SHANK2: variants seen among roughly 807,000 people sequenced by gnomAD.
SHANK2 encodes the protein SH3 and multiple ankyrin repeat domains 2.
Under a neutral mutation model 133.7 loss-of-function variants are expected in SHANK2, and 43 were observed. That is an observed-to-expected ratio of 0.32 (90% CI 0.25 to 0.41). SHANK2 has a LOEUF of 0.41. Ranked by LOEUF, SHANK2 falls within the 10% of genes least tolerant of loss-of-function variation. The probability of loss-of-function intolerance (pLI) is 1.00; values close to 1 mark genes in which losing one functional copy is unlikely to be tolerated. For synonymous variants in SHANK2, 1,017 were observed against 952.8 expected, an observed-to-expected ratio of 1.07 and a Z score of -1.24; for missense variants, 1,994 against 2,235.8, an observed-to-expected ratio of 0.89 and a Z score of 2.18.
intron 14 of SHANK2, among the ~76,000 whole-genome samples, chr11:70,730,184 C>CTGCTATTTG (rs377059891): frequency 0.044 from 6,672 of 152,176 alleles, 161 homozygotes; most frequent in African/African-American, 0.06. Context: ...GCATGAGGCC[C>CTGCTATTTG]CAGGAGCTGG....
rs1555094317 is a variant in SHANK2, at chr11:71,092,550, T to G, written c.784A>C (p.Ser262Arg). 6.4e-7 allele frequency: 1 copy of G among 1,551,880 alleles called. No individual in the cohort carries two copies. The highest frequency in any genetic ancestry group is 1.4e-5 in the African/African-American group (1 of 73,088). Residue 262 changes from serine (S) to arginine (R), a missense_variant, in exon 8 of 26, where the codon AGT (serine) becomes CGT (arginine). Physicochemically the swap from Ser to Arg is moderately radical, Grantham distance 110. Around this residue, in one of 5 missense-constraint regions of SHANK2, gnomAD observed 653 missense variants for 563.4 expected, o/e 1.16. Transcript: ENST00000601538. The part of the protein sequence containing the change: ...ELGASPDYKD[S>R]YGLTPLYHTA... ...TGATACAGCGGGGTGAGGCCGTAAC[T>G]GTCTTTATAATCTGGGGATGCACCA...
chr11:71,105,672 G>A (rs983476801), intron 6 of SHANK2, among the ~76,000 whole-genome samples: 1 of 151,520 alleles, frequency 6.6e-6, no homozygotes, highest in Non-Finnish European at 1.5e-5. Flanking sequence ...AGGAGCTCTC[G>A]GGCAGTGAAG....
At chr11:71,174,364 T>C (rs10897726) in intron 2 of SHANK2, among the ~76,000 whole-genome samples, 106,550 of 151,886 alleles carry the variant, frequency 0.7, 38,552 homozygotes, top group East Asian at 0.95. Flanking sequence ...CAGGGCAACG[T>C]TGTGAGACCT....
chr11:70,682,420 C>T (rs967973061), intron 15 of SHANK2, among the ~76,000 whole-genome samples: 29 of 152,198 alleles, frequency 1.9e-4, no homozygotes, highest in African/African-American at 7.0e-4. Context: ...GGGAGGATCA[C>T]CGAAGGTCAG....
At chr11:70,553,087 T>C (rs1381974794) in intron 17 of SHANK2, among the ~76,000 whole-genome samples, 26 of 152,100 alleles carry the variant, frequency 1.7e-4, no homozygotes, top group Admixed American at 1.7e-3. Flanking sequence ...TCATTTGACT[T>C]TAATAATCTC....
At chr11:70,733,109 A>G (rs1244950352) in intron 14 of SHANK2, among the ~76,000 whole-genome samples, 1 of 152,158 alleles carries the variant, frequency 6.6e-6, no homozygotes, top group Non-Finnish European at 1.5e-5. Flanking sequence ...TCCGCGACAG[A>G]AAGACGTGTC....
chr11:70,781,692 G>A lies in SHANK2; in HGVS notation c.1777+16751C>T, dbSNP rs181209577. ...GTTGGTGTGCTGCACCCATTAACTC[G>A]TCATTTACATTAGGTATATCTCCTA... On this transcript the variant is annotated intron_variant, in intron 14 of 25. Coordinates refer to ENST00000601538, the MANE Select transcript of SHANK2 (RefSeq NM_012309.5). Among the ~76,000 whole-genome samples, 674 of 146,884 alleles carry A rather than the reference G, an allele frequency of 4.6e-3. 4 individuals carry two copies. Among genetic ancestry groups the A allele is most frequent in the African/African-American group, 0.016 (622 of 39,854 alleles).
intron 20 of SHANK2, 141 bp downstream of exon 20, chr11:70,501,782 C>T (rs953404869): frequency 1.2e-6 from 1 of 825,896 alleles, no homozygotes; most frequent in Non-Finnish European, 2.0e-6. Flanking sequence ...CACACAGATC[C>T]CCGGAGGATG....
At chr11:71,100,757 C>T (rs1951704188) in intron 6 of SHANK2, among the ~76,000 whole-genome samples, 1 of 151,876 alleles carries the variant, frequency 6.6e-6, no homozygotes, top group Non-Finnish European at 1.5e-5. Context: ...GTCCCAGCTA[C>T]TCAGGAGGCT....
chr11:71,149,216 G>A (rs1219110884), intron 2 of SHANK2, among the ~76,000 whole-genome samples: 5 of 152,318 alleles, frequency 3.3e-5, no homozygotes, highest in Middle Eastern at 3.4e-3. Context: ...AAGCAGGTGC[G>A]AGAACAGCTC....
intron 24 of SHANK2, chr11:70,489,098 C>T: frequency 1.8e-6 from 1 of 547,826 alleles, no homozygotes; most frequent in Non-Finnish European, 3.3e-6. Context: ...ATAATTTATT[C>T]CAATGAAAAC....
At chr11:70,766,769 A>T (rs1450767307) in intron 14 of SHANK2, among the ~76,000 whole-genome samples, 2 of 152,164 alleles carry the variant, frequency 1.3e-5, no homozygotes, top group African/African-American at 4.8e-5. Context: ...TAACAACTCC[A>T]TTTTGTCACT....
intron 2 of SHANK2, among the ~76,000 whole-genome samples, chr11:71,223,181 C>T (rs1041646485): frequency 7.2e-5 from 11 of 152,224 alleles, no homozygotes; most frequent in Admixed American, 6.5e-4. Context: ...GAAAACCAGG[C>T]AGGTGAGGCC....
intron 4 of SHANK2, 133 bp from the exon 5 acceptor site, chr11:71,113,497 A>T: frequency 1.3e-6 from 1 of 759,332 alleles, no homozygotes; most frequent in Non-Finnish European, 2.3e-6. Flanking sequence ...AGTTTTAAAT[A>T]AATGACTGGT....
At chr11:70,542,370 G>T in intron 17 of SHANK2, among the ~76,000 whole-genome samples, 1 of 152,196 alleles carries the variant, frequency 6.6e-6, no homozygotes, top group East Asian at 1.9e-4. Flanking sequence ...CATGTGGCTA[G>T]CAGCCAAGGA....
chr11:70,671,993 A>G (rs1052904739), intron 15 of SHANK2, among the ~76,000 whole-genome samples: 5 of 151,178 alleles, frequency 3.3e-5, no homozygotes, highest in Non-Finnish European at 4.4e-5. Flanking sequence ...TTATGTAAAA[A>G]CCTTAAATCA....
intron 17 of SHANK2, among the ~76,000 whole-genome samples, chr11:70,520,586 G>A (rs116506069): frequency 1.3e-5 from 2 of 152,040 alleles, no homozygotes; most frequent in South Asian, 2.1e-4. Context: ...GGGCTCCCCC[G>A]CTGTGAAGTT....
chr11:71,167,423 C>A (rs1188013622), intron 2 of SHANK2, among the ~76,000 whole-genome samples: 1 of 144,290 alleles, frequency 6.9e-6, no homozygotes, highest in African/African-American at 2.5e-5. Flanking sequence ...GCTGACCCCC[C>A]CCACCTCCCT....
At chr11:70,682,874 A>G (rs1555018674) in intron 15 of SHANK2, among the ~76,000 whole-genome samples, 1 of 151,900 alleles carries the variant, frequency 6.6e-6, no homozygotes, top group Non-Finnish European at 1.5e-5. Context: ...GGGGAATGAC[A>G]CTGCTCTTCA....
Sources: allele counts gnomAD v4.1 joint callset (sites outside exome capture counted in the v4.1 genomes callset), GRCh38; gene constraint gnomAD v4.1.1; regional missense constraint gnomAD v4.1.1; transcripts MANE v1.5; gene names NCBI Gene and HGNC (gene_info 2026-07-23, HGNC 2026-07-21).